IQANK1: variants seen among roughly 807,000 people sequenced by gnomAD.
The protein encoded by IQANK1 is IQ motif and ankyrin repeat containing 1.
IQANK1 carries 30 observed loss-of-function variants against 22.6 expected under a neutral mutation model. That is an observed-to-expected ratio of 1.33 (90% CI 0.99 to 1.80). IQANK1 has a LOEUF of 1.80. Among genes scored for constraint, IQANK1 ranks in the 40% most tolerant of loss-of-function variants. IQANK1 has a pLI of 0.00. For missense variants in IQANK1, 275 were observed against 235.2 expected (o/e 1.17, Z -1.11); for synonymous variants, 122 against 99.6 (o/e 1.23, Z -1.34).
At chr8:143,779,604 A>G (rs1819757320) in intron 7 of IQANK1, among the ~76,000 whole-genome samples, 1 of 152,194 alleles carries the variant, frequency 6.6e-6, no homozygotes, top group South Asian at 2.1e-4. Flanking sequence ...ATTCATTAAG[A>G]CACTCGTAAG....
In IQANK1 at chr8:143,766,013, G is replaced by A. The variant is rs782665171; in HGVS notation, c.176-5475G>A. 9.2e-5 allele frequency among the ~76,000 whole-genome samples: 14 copies of A among 152,196 alleles called. No individual in the cohort carries two copies. The South Asian group carries it at 1.0e-3, about 11-fold the overall frequency. On this transcript the variant is annotated intron_variant, in intron 3 of 13. Coordinates refer to ENST00000527139, the MANE Select transcript of IQANK1 (RefSeq NM_001381874.1). ...CAGGTGTGCCAAGCCGTCTGCTGAC[G>A]TGGGTGTTCTGATTTCCCTCCCCAC...
intron 3 of IQANK1, among the ~76,000 whole-genome samples, chr8:143,752,251 C>T (rs1288224728): frequency 6.6e-6 from 1 of 152,204 alleles, no homozygotes; most frequent in Non-Finnish European, 1.5e-5. Flanking sequence ...CAGGCGTGAG[C>T]CACCACACCC....
rs1818725335 is a variant in IQANK1 at position 143,735,921 on chromosome 8, A to G, written c.68A>G (p.Lys23Arg). 1.4e-6 allele frequency: 1 copy of G among 702,582 alleles called. No individual in the cohort carries two copies. Among genetic ancestry groups the G allele is most frequent in the South Asian group, 1.5e-5 (1 of 67,578 alleles). 43.5% of individuals were successfully genotyped at this position (702,582 alleles called of 1,614,324 possible). A position where few individuals can be genotyped will look rare whatever the true frequency, so the allele number is the denominator to read the frequency against. ...GKWQTLHPGP[K>R]TRAAAGKPGE... ...TGGCAGACGCTCCACCCTGGGCCCA[A>G]GACAAGAGCTGCTGCTGGTAAGTGC... The change falls in exon 2 of 14, where the codon AAG becomes AGG. Residue 23 changes from lysine (K) to arginine (R), a missense_variant. By Grantham distance (26) the Lys-to-Arg change is conservative. Coordinates refer to ENST00000527139, the MANE Select transcript of IQANK1 (RefSeq NM_001381874.1). This position sits in a 1 kb window ranked among gnomAD's most constrained non-coding sequence, Gnocchi z 5.2.
chr8:143,761,999 C>G (rs530296791), intron 3 of IQANK1, among the ~76,000 whole-genome samples: 1 of 152,218 alleles, frequency 6.6e-6, no homozygotes, highest in African/African-American at 2.4e-5. Context: ...CGTAGAGCTT[C>G]TGTGTGTCTA....
At chr8:143,786,805 G>A (rs781794719) in intron 7 of IQANK1, among the ~76,000 whole-genome samples, 2 of 152,212 alleles carry the variant, frequency 1.3e-5, no homozygotes, top group Non-Finnish European at 2.9e-5. Flanking sequence ...ACTTGGAGGG[G>A]AGGGAATGAG....
chr8:143,740,762 C>T (rs1554626377), intron 3 of IQANK1, among the ~76,000 whole-genome samples: 1 of 152,248 alleles, frequency 6.6e-6, no homozygotes, highest in African/African-American at 2.4e-5. Flanking sequence ...CCGCCCATCG[C>T]CTGATCGCCT....
Position 143,790,063 on chromosome 8 carries a change from C to G in IQANK1, c.1288C>G (p.Arg430Gly). The change falls in exon 12 of 14, where the codon CGG becomes GGG. Residue 430 changes from arginine to glycine, a missense_variant and splice_region_variant. By Grantham distance (125) the Arg-to-Gly change is moderately radical. Coordinates refer to ENST00000527139, the MANE Select transcript of IQANK1 (RefSeq NM_001381874.1). Reference protein sequence around the residue: ...DVGNRIRADGRWPLVIDPLGQ... With the variant: ...DVGNRIRADGGWPLVIDPLGQ... Reference sequence around the variant, plus strand: ...AGGCAACCGCATCCGTGCCGATGGCCGGTCAGTTCTCCGGGCCAGACGTGG... The same window carrying G: ...AGGCAACCGCATCCGTGCCGATGGCGGGTCAGTTCTCCGGGCCAGACGTGG... The G allele has an allele frequency of 2.4e-6, 3 of 1,232,110 alleles. No individual in the cohort carries two copies. The highest frequency in any genetic ancestry group is 3.0e-6 in the Non-Finnish European group (3 of 988,006). The allele number at this position is 1,232,110 out of a possible 1,614,324, so 76.3% of individuals were successfully genotyped here.
At chr8:143,764,831 A>T (rs1819457320) in intron 3 of IQANK1, among the ~76,000 whole-genome samples, 1 of 152,170 alleles carries the variant, frequency 6.6e-6, no homozygotes, top group South Asian at 2.1e-4. Flanking sequence ...AACCTCAAGG[A>T]ATTGCTGGAT....
chr8:143,786,694 G>A (rs1819895367), intron 7 of IQANK1, among the ~76,000 whole-genome samples: 1 of 152,208 alleles, frequency 6.6e-6, no homozygotes. Context: ...AACTCACAGT[G>A]CAGTGGAGAT....
At chr8:143,789,576 C>G in intron 10 of IQANK1, 48 bp downstream of exon 10, 1 of 1,231,862 alleles carries the variant, frequency 8.1e-7, no homozygotes, top group African/African-American at 1.5e-5. Context: ...CTCAACACCC[C>G]TCCTTGTTCC....
intron 3 of IQANK1, among the ~76,000 whole-genome samples, chr8:143,764,374 G>T (rs1290529362): frequency 6.6e-6 from 1 of 151,782 alleles, no homozygotes; most frequent in Non-Finnish European, 1.5e-5. Flanking sequence ...CAGCACTCTG[G>T]GAAGTTGAGG....
At chr8:143,761,912 T>C (rs1346390770) in intron 3 of IQANK1, among the ~76,000 whole-genome samples, 1 of 152,066 alleles carries the variant, frequency 6.6e-6, no homozygotes, top group African/African-American at 2.4e-5. Context: ...ATTCTCCCTC[T>C]ATAGGACATA....
chr8:143,735,758 G>A lies in IQANK1; in HGVS notation c.-4-92G>A, dbSNP rs1478023271. On this transcript the variant is annotated intron_variant, in intron 1 of 13. Coordinates refer to ENST00000527139, the MANE Select transcript of IQANK1 (RefSeq NM_001381874.1). The surrounding 1 kb of genome is among the most constrained non-coding windows in gnomAD (Gnocchi z 5.2). ...TGTTCCTGCTGTCATCCACTCAGGCGCCCATGGTGTGCCCTGTTCCCCACT... is the reference window on the plus strand; with the variant it reads ...TGTTCCTGCTGTCATCCACTCAGGCACCCATGGTGTGCCCTGTTCCCCACT... 1.0e-5 allele frequency: 7 copies of A among 669,568 alleles called. No individual in the cohort carries two copies. Among genetic ancestry groups the A allele is most frequent in the Middle Eastern group, 3.5e-4 (1 of 2,822 alleles). 41.5% of individuals were successfully genotyped at this position (669,568 alleles called of 1,614,324 possible). A position where few individuals can be genotyped will look rare whatever the true frequency, so the allele number is the denominator to read the frequency against.
intron 3 of IQANK1, among the ~76,000 whole-genome samples, chr8:143,751,733 T>C (rs1402290834): frequency 5.4e-5 from 8 of 147,882 alleles, no homozygotes; most frequent in African/African-American, 1.2e-4. Flanking sequence ...TTTATCTTTA[T>C]TGAGATCTTT....
At chr8:143,763,004 C>T (rs964842561) in intron 3 of IQANK1, among the ~76,000 whole-genome samples, 3 of 147,592 alleles carry the variant, frequency 2.0e-5, no homozygotes, top group African/African-American at 7.5e-5. Context: ...TTTTCCTTTT[C>T]CCTTTCTTTT....
chr8:143,751,599 G>A (rs1156445819), intron 3 of IQANK1, among the ~76,000 whole-genome samples: 19 of 141,962 alleles, frequency 1.3e-4, no homozygotes, highest in African/African-American at 2.1e-4. Flanking sequence ...GCAACAGAGC[G>A]AGACTTCATC....
intron 3 of IQANK1, among the ~76,000 whole-genome samples, chr8:143,748,861 T>TATATAAATATATAAATATATATATC (rs1819107390): frequency 2.0e-5 from 2 of 100,868 alleles, no homozygotes; most frequent in South Asian, 2.8e-4. Context: ...ATATATATCA[T>TATATAAATATATAAATATATATATC]ATATAAATAT....
intron 3 of IQANK1, among the ~76,000 whole-genome samples, chr8:143,762,105 T>C (rs1156712128): frequency 1.3e-5 from 2 of 152,188 alleles, no homozygotes; most frequent in African/African-American, 4.8e-5. Flanking sequence ...ACCAGAAATC[T>C]GATCCTTTGT....
intron 3 of IQANK1, among the ~76,000 whole-genome samples, chr8:143,766,626 G>A (rs1160777114): frequency 1.3e-5 from 2 of 151,846 alleles, no homozygotes; most frequent in Non-Finnish European, 2.9e-5. Flanking sequence ...AGCCAGGATC[G>A]AGTCACTGCA....
Sources: gnomAD v4.1 joint callset for allele counts (sites outside exome capture counted in the v4.1 genomes callset) on GRCh38, gnomAD v4.1.1 for gene constraint, Gnocchi (gnomAD v3.1) non-coding constraint, MANE v1.5 for transcripts, NCBI Gene and HGNC (gene_info 2026-07-23, HGNC 2026-07-21) for gene names.